RYR1: variants seen among roughly 807,000 people sequenced by gnomAD.
RYR1 encodes ryanodine receptor 1, also known as central core disease of muscle.
RYR1 carries 342 observed loss-of-function variants against 583.5 expected under a neutral mutation model. That is an observed-to-expected ratio of 0.59 (90% CI 0.54 to 0.64). The LOEUF is 0.64. Ranked by LOEUF, RYR1 falls within the 30% of genes least tolerant of loss-of-function variation. The pLI, the probability that RYR1 is intolerant of heterozygous loss-of-function variation, is 0.00. For synonymous variants in RYR1, 2,791 were observed against 2,822.5 expected (o/e 0.99, Z 0.35); for missense variants, 6,032 against 6,917.2 (o/e 0.87, Z 4.54).
intron 88 of RYR1, among the ~76,000 whole-genome samples, chr19:38,547,588 G>GT (rs1193171449): frequency 1.3e-5 from 2 of 152,034 alleles, no homozygotes; most frequent in African/African-American, 4.8e-5. Context: ...TACTGGCTAT[G>GT]TAACTTTGAG....
In RYR1 at chr19:38,565,487, G is replaced by A; in HGVS notation, c.13153G>A (p.Asp4385Asn). ...GACCGAGCTCCTGGCAGGCATGCCC[G>A]ACCCCACCAGCGACGAGGTGCACGG... ...TVTELLAGMP[D>N]PTSDEVHGEQ... Residue 4385 changes from aspartate (D) to asparagine (N), a missense_variant, in exon 91 of 106, where the codon GAC (aspartate) becomes AAC (asparagine). Around this residue, in one of 11 missense-constraint regions of RYR1, gnomAD observed 753 missense variants for 759.6 expected, o/e 0.99. Coordinates refer to ENST00000359596, the MANE Select transcript of RYR1 (RefSeq NM_000540.3). This position sits in a 1 kb window ranked among gnomAD's most constrained non-coding sequence, Gnocchi z 4.7. 2.0e-6 allele frequency: 3 copies of A among 1,505,468 alleles called. No individual in the cohort carries two copies. Among genetic ancestry groups the A allele is most frequent in the East Asian group, 2.7e-5 (1 of 37,022 alleles). 93.3% of individuals were successfully genotyped at this position (1,505,468 alleles called of 1,614,324 possible).
At chr19:38,522,987 G>T in intron 67 of RYR1, 41 bp from the exon 68 acceptor site, 1 of 1,512,052 alleles carries the variant, frequency 6.6e-7, no homozygotes, top group Non-Finnish European at 9.0e-7. Context: ...CCTTCCCTGG[G>T]ATCCCCACCC....
chr19:38,546,378 G>A, intron 87 of RYR1, 67 bp from the exon 88 acceptor site: 2 of 1,387,876 alleles, frequency 1.4e-6, no homozygotes, highest in Non-Finnish European at 2.1e-6. Context: ...AGGTGAGGAG[G>A]GGGAGAAGCA....
intron 18 of RYR1, among the ~76,000 whole-genome samples, chr19:38,458,762 T>C (rs917515587): frequency 6.6e-6 from 1 of 152,132 alleles, no homozygotes; most frequent in African/African-American, 2.4e-5. Flanking sequence ...GTAGCTGGGA[T>C]TACAGGCATG....
intron 101 of RYR1, among the ~76,000 whole-genome samples, chr19:38,580,890 G>A (rs1974171879): frequency 6.7e-6 from 1 of 149,692 alleles, no homozygotes; most frequent in Admixed American, 6.8e-5. Flanking sequence ...GCTGATGCAT[G>A]CCAGGCACAT....
chr19:38,514,943 G>T, intron 63 of RYR1, 83 bp from the exon 64 acceptor site: 1 of 886,942 alleles, frequency 1.1e-6, no homozygotes, highest in Non-Finnish European at 1.9e-6. Context: ...CCACTGCATG[G>T]GCCTATTTGA....
At chr19:38,566,479 GAAAAGA>G (rs1287693916) in intron 91 of RYR1, among the ~76,000 whole-genome samples, 1 of 133,212 alleles carries the variant, frequency 7.5e-6, no homozygotes, top group African/African-American at 2.7e-5. Context: ...AAAAAAAAAG[GAAAAGA>G]AAGACCAAGA....
intron 57 of RYR1, 82 bp downstream of exon 57, chr19:38,507,034 G>A: frequency 6.2e-7 from 1 of 1,601,810 alleles, no homozygotes; most frequent in African/African-American, 1.3e-5. Flanking sequence ...CCAGAGAGGG[G>A]TGGAGCCGAG....
intron 18 of RYR1, among the ~76,000 whole-genome samples, chr19:38,458,726 G>C (rs1967563825): frequency 6.6e-6 from 1 of 152,182 alleles, no homozygotes; most frequent in African/African-American, 2.4e-5. Flanking sequence ...TCGGGTTCAA[G>C]TAATTCTCCT....
rs575467622 is a variant in RYR1, at chr19:38,505,985, G to C, written c.8541+39G>C. The C allele has an allele frequency of 5.2e-4, 832 of 1,601,418 alleles. 15 individuals carry two copies. The Middle Eastern group carries it at 8.6e-3, about 16-fold the overall frequency. On this transcript the variant is annotated intron_variant, in intron 54 of 105. Transcript: ENST00000359596. ...CTGGGTGGAGGGCAGGGGCACGATG[G>C]GGGGAGGGTCTAGAACAAGGGGCAT...
chr19:38,507,955 C>T (rs1043103930), intron 58 of RYR1, 128 bp downstream of exon 58: 6 of 687,764 alleles, frequency 8.7e-6, no homozygotes, highest in Non-Finnish European at 1.6e-5. Context: ...TATTGAGCTT[C>T]TACTATGTGC....
rs555272546 is a variant in RYR1, at chr19:38,458,265, G to A, written c.2140G>A (p.Gly714Ser). Reference sequence around the variant, plus strand: ...GGTCGGCGATGACCTCTATTCCTACGGCTTTGATGGACTGCATCTCTGGAC... The same window carrying A: ...GGTCGGCGATGACCTCTATTCCTACAGCTTTGATGGACTGCATCTCTGGAC... ...NGVGDDLYSYGFDGLHLWTGH... is the reference protein window; with the variant it reads ...NGVGDDLYSYSFDGLHLWTGH... Residue 714 changes from glycine to serine, a missense_variant, in exon 18 of 106, where the codon GGC becomes AGC. Physicochemically the swap from Gly to Ser is moderately conservative, Grantham distance 56. Coordinates refer to ENST00000359596, the MANE Select transcript of RYR1 (RefSeq NM_000540.3). 25 of 1,614,004 alleles carry A rather than the reference G, an allele frequency of 1.5e-5. No individual in the cohort carries two copies. The highest frequency in any genetic ancestry group is 2.2e-5 in the East Asian group (1 of 44,872).
chr19:38,498,301 G>C (rs1969939889), intron 42 of RYR1, among the ~76,000 whole-genome samples: 1 of 152,144 alleles, frequency 6.6e-6, no homozygotes, highest in Non-Finnish European at 1.5e-5. Context: ...ACCTGACTCA[G>C]GTGTTCACAG....
chr19:38,564,809 C>A (rs969991593), intron 90 of RYR1, 150 bp from the exon 91 acceptor site: 6 of 1,382,832 alleles, frequency 4.3e-6, no homozygotes, highest in East Asian at 2.6e-5. Context: ...GCCACCGCGC[C>A]CAGCCTGACC....
At position 38,504,901 on chromosome 19, in the gene RYR1, G is replaced by A; in HGVS notation, c.8221G>A (p.Glu2741Lys). The A allele has an allele frequency of 6.2e-7, 1 of 1,614,160 alleles. No homozygotes were observed. Among genetic ancestry groups the A allele is most frequent in the Non-Finnish European group, 8.5e-7 (1 of 1,180,028 alleles). Residue 2741 changes from glutamate to lysine, a missense_variant, in exon 51 of 106, where the codon GAG (glutamate) becomes AAG (lysine). Glu to Lys is a moderately conservative substitution (Grantham distance 56). This residue lies in a region of RYR1 where 1,493 missense variants were observed against 1,715.5 expected (regional missense o/e 0.87). Coordinates refer to ENST00000359596, the MANE Select transcript of RYR1 (RefSeq NM_000540.3). Reference protein sequence around the residue: ...AEGNFDPRPVETLNVIIPEKL... With the variant: ...AEGNFDPRPVKTLNVIIPEKL... ...AGGCAACTTTGATCCCCGGCCTGTG[G>A]AGACCCTCAAGTGAGGCCTGGGGGC...
intron 87 of RYR1, among the ~76,000 whole-genome samples, chr19:38,545,737 G>A (rs965300321): frequency 6.6e-6 from 1 of 151,886 alleles, no homozygotes. Context: ...CTTGAACCTG[G>A]GAGGCAGAAG....
chr19:38,488,296 A>G (rs1360034821), intron 34 of RYR1, among the ~76,000 whole-genome samples: 1 of 151,580 alleles, frequency 6.6e-6, no homozygotes, highest in Admixed American at 6.6e-5. Context: ...CCATCCACCC[A>G]TCATCTCTTC....
At position 38,463,541 on chromosome 19, in the gene RYR1, T is replaced by C; in HGVS notation, c.2682+14T>C. On this transcript the variant is annotated intron_variant, in intron 21 of 105. Transcript: ENST00000359596. ...ACCTACGGCCCGGTGAGGGGCTGCCTGCAGCCTGCGGGAGGCCGGCTAGAC... is the reference window on the plus strand; with the variant it reads ...ACCTACGGCCCGGTGAGGGGCTGCCCGCAGCCTGCGGGAGGCCGGCTAGAC... The C allele has an allele frequency of 6.2e-7, 1 of 1,608,248 alleles. No homozygotes were observed.
At chr19:38,467,171 C>G (rs1968156841) in intron 24 of RYR1, among the ~76,000 whole-genome samples, 1 of 152,182 alleles carries the variant, frequency 6.6e-6, no homozygotes, top group Non-Finnish European at 1.5e-5. Context: ...ACCCCAAACC[C>G]TGGCCATGGT....
Sources: gnomAD v4.1 joint callset for allele counts (sites outside exome capture counted in the v4.1 genomes callset) on GRCh38, gnomAD v4.1.1 for gene constraint, gnomAD v4.1.1 regional missense constraint, Gnocchi (gnomAD v3.1) non-coding constraint, MANE v1.5 for transcripts, NCBI Gene and HGNC (gene_info 2026-07-23, HGNC 2026-07-21) for gene names.